The following MCL1 variants were observed in gnomAD, a reference collection of about 807,000 sequenced individuals.
MCL1 encodes MCL1 apoptosis regulator, BCL2 family member.
MCL1 carries 4 observed loss-of-function variants against 24.2 expected under a neutral mutation model. The ratio of observed to expected loss-of-function variants is 0.17; its 90% CI spans 0.08 to 0.38. The LOEUF is 0.38. Ranked by LOEUF, MCL1 falls within the 10% of genes least tolerant of loss-of-function variation. The pLI is 1.00. For missense variants in MCL1, 529 were observed against 480.3 expected, an observed-to-expected ratio of 1.10 and a Z score of -0.95; for synonymous variants, 248 against 214.0, an observed-to-expected ratio of 1.16 and a Z score of -1.39.
rs766788816 is a variant in MCL1, at chr1:150,578,983, G to A, written c.548C>T (p.Ser183Phe). 1.6e-5 allele frequency: 26 copies of A among 1,613,638 alleles called. No homozygotes were observed. Among genetic ancestry groups the A allele is most frequent in the Non-Finnish European group, 2.0e-5 (24 of 1,180,032 alleles). The change falls in exon 1 of 3, where the codon TCT becomes TTT. Residue 183 changes from serine to phenylalanine, a missense_variant. Ser to Phe is a radical substitution (Grantham distance 155). Coordinates refer to ENST00000369026, the MANE Select transcript of MCL1 (RefSeq NM_021960.5). Reference sequence around the variant, plus strand: ...GGTGGCCTGCTCCCGAAGGTACCGAGAGATAATCTCCAGCGACTGCCGGTA... The same window carrying A: ...GGTGGCCTGCTCCCGAAGGTACCGAAAGATAATCTCCAGCGACTGCCGGTA... ...ELYRQSLEII[S>F]RYLREQATGA... is the part of the protein sequence containing the mutation.
At chr1:150,577,775 C>A (rs1426321827) in intron 2 of MCL1, among the ~76,000 whole-genome samples, 1 of 152,068 alleles carries the variant, frequency 6.6e-6, no homozygotes, top group Non-Finnish European at 1.5e-5. Flanking sequence ...AGACGAAAAC[C>A]CTTATTCTCA....
rs774856969 is a variant in MCL1, at chr1:150,578,321, T to C, written c.859A>G (p.Ile287Val). The C allele has an allele frequency of 1.2e-6, 2 of 1,614,246 alleles. No individual in the cohort carries two copies. Among genetic ancestry groups the C allele is most frequent in the Non-Finnish European group, 1.7e-6 (2 of 1,180,042 alleles). Residue 287 changes from isoleucine to valine, a missense_variant, in exon 2 of 3, where the codon ATC (isoleucine) becomes GTC (valine). Physicochemically the swap from Ile to Val is conservative, Grantham distance 29 (BLOSUM62 3). Transcript: ENST00000369026. ...GTGATACTTTCTGCTAATGGTTCGATGCAGCTTTCTTGGTTTATGGTCTTC... is the reference window on the plus strand; with the variant it reads ...GTGATACTTTCTGCTAATGGTTCGACGCAGCTTTCTTGGTTTATGGTCTTC... ...HLKTINQESC[I>V]EPLAESITDV...
In MCL1 at chr1:150,575,295, C is replaced by T. The variant is rs969120018; in HGVS notation, c.*2080G>A. On this transcript the variant is annotated 3_prime_UTR_variant, in exon 3 of 3. Transcript: ENST00000369026. ...AGTTCTTCCCCATTACATTCTTAGT[C>T]ATCTTATTCATACCTATTTTTAAAT... The T allele has an allele frequency of 8.6e-6, 2 of 233,162 alleles. No homozygotes were observed. The highest frequency in any genetic ancestry group is 4.4e-5 in the African/African-American group (2 of 45,292). The allele number at this position is 233,162 out of a possible 1,614,324, so 14.4% of individuals were successfully genotyped here. A position where few individuals can be genotyped will look rare whatever the true frequency, so the allele number is the denominator to read the frequency against.
chr1:150,579,130 A>T lies in MCL1; in HGVS notation c.401T>A (p.Leu134His), dbSNP rs749913949. The T allele has an allele frequency of 1.9e-5, 31 of 1,612,614 alleles. No individual in the cohort carries two copies. The South Asian group carries it at 3.2e-4, about 17-fold the overall frequency. ...EELDGYEPEP[L>H]GKRPAVLPLL... The stretch of plus-strand genomic sequence containing the variant: ...CGGCAGGACAGCCGGCCGCTTCCCG[A>T]GAGGCTCCGGCTCGTACCCGTCCAG... Residue 134 changes from leucine to histidine, a missense_variant, in exon 1 of 3, where the codon CTC becomes CAC. By Grantham distance (99) the Leu-to-His change is moderately conservative. Coordinates refer to ENST00000369026, the MANE Select transcript of MCL1 (RefSeq NM_021960.5).
At position 150,576,004 on chromosome 1, in the gene MCL1, C is replaced by T. The variant is rs1052722318; in HGVS notation, c.*1371G>A. 4.3e-6 allele frequency: 1 copy of T among 233,482 alleles called. No individual in the cohort carries two copies. The highest frequency in any genetic ancestry group is 2.2e-5 in the African/African-American group (1 of 45,328). 14.5% of individuals were successfully genotyped at this position (233,482 alleles called of 1,614,324 possible). ...GTATTTGCTTTATTGACATACTAGG[C>T]TTAGACCTGTGTGTGTAACAAGCAA... On this transcript the variant is annotated 3_prime_UTR_variant, in exon 3 of 3. Coordinates refer to ENST00000369026, the MANE Select transcript of MCL1 (RefSeq NM_021960.5).
At position 150,578,979 on chromosome 1, in the gene MCL1, C is replaced by T. The variant is rs1446133346; in HGVS notation, c.552G>A (p.Arg184=). The change falls in exon 1 of 3, where the codon CGG becomes CGA. Residue 184 remains arginine (R), a synonymous_variant. Coordinates refer to ENST00000369026, the MANE Select transcript of MCL1 (RefSeq NM_021960.5). The stretch of plus-strand genomic sequence containing the variant: ...CGCCGGTGGCCTGCTCCCGAAGGTA[C>T]CGAGAGATAATCTCCAGCGACTGCC... ...LYRQSLEIIS[R]YLREQATGAK... The T allele has an allele frequency of 6.2e-7, 1 of 1,613,654 alleles. No homozygotes were observed. Among genetic ancestry groups the T allele is most frequent in the Admixed American group, 1.7e-5 (1 of 60,028 alleles).
At position 150,579,375 on chromosome 1, in the gene MCL1, C is replaced by T. The variant is rs1647979537; in HGVS notation, c.156G>A (p.Glu52=). 2 of 1,503,608 alleles carry T rather than the reference C, an allele frequency of 1.3e-6. No homozygotes were observed. Among genetic ancestry groups the T allele is most frequent in the East Asian group, 2.6e-5 (1 of 39,154 alleles). The allele number at this position is 1,503,608 out of a possible 1,614,324, so 93.1% of individuals were successfully genotyped here. A position where few individuals can be genotyped will look rare whatever the true frequency, so the allele number is the denominator to read the frequency against. Reference sequence around the variant, plus strand: ...CGCTTCCGCCAATCACCGCGCCGGCCTCCCCTCCCCCTATCTCTCGCCGGG... The same window carrying T: ...CGCTTCCGCCAATCACCGCGCCGGCTTCCCCTCCCCCTATCTCTCGCCGGG... ...ASARREIGGG[E]AGAVIGGSAG... Residue 52 remains glutamate (E), a synonymous_variant, in exon 1 of 3, where the codon GAG becomes GAA. Coordinates refer to ENST00000369026, the MANE Select transcript of MCL1 (RefSeq NM_021960.5).
rs1647976538 is a variant in MCL1 at position 150,579,335 on chromosome 1, G to A, written c.196C>T (p.Pro66Ser). ...VIGGSAGASPPSTLTPDSRRV... is the reference protein window; with the variant it reads ...VIGGSAGASPSSTLTPDSRRV... ...CGGGAGTCTGGCGTGAGGGTGGACG[G>A]GGGGCTTGCGCCGGCGCTTCCGCCA... Residue 66 changes from proline (P) to serine (S), a missense_variant, in exon 1 of 3, where the codon CCG (proline) becomes TCG (serine). Pro to Ser is a moderately conservative substitution (Grantham distance 74). Coordinates refer to ENST00000369026, the MANE Select transcript of MCL1 (RefSeq NM_021960.5). 6.8e-7 allele frequency: 1 copy of A among 1,472,122 alleles called. No homozygotes were observed. Among genetic ancestry groups the A allele is most frequent in the Non-Finnish European group, 8.9e-7 (1 of 1,119,742 alleles). 91.2% of individuals were successfully genotyped at this position (1,472,122 alleles called of 1,614,324 possible). A position where few individuals can be genotyped will look rare whatever the true frequency, so the allele number is the denominator to read the frequency against.
chr1:150,578,758 G>A, intron 1 of MCL1, 85 bp downstream of exon 1: 9 of 1,447,482 alleles, frequency 6.2e-6, no homozygotes, highest in Admixed American at 2.1e-5. Context: ...GACTCGTTTC[G>A]GTTTCCAACC....
chr1:150,577,494 A>G lies in MCL1; in HGVS notation c.937-3T>C, dbSNP rs745915692. 1 of 1,600,414 alleles carries G rather than the reference A, an allele frequency of 6.2e-7. No individual in the cohort carries two copies. The highest frequency in any genetic ancestry group is 2.2e-5 in the East Asian group (1 of 44,754). On this transcript the variant is annotated splice_polypyrimidine_tract_variant and splice_region_variant and intron_variant, in intron 2 of 2. Transcript: ENST00000369026. Reference sequence around the variant, plus strand: ...TGGAAGAACTCCACAAACCCATCCTAGAAAACAAAAAAGAAAAGCACATTT... The same window carrying G: ...TGGAAGAACTCCACAAACCCATCCTGGAAAACAAAAAAGAAAAGCACATTT...
chr1:150,577,625 C>T, intron 2 of MCL1, 134 bp from the exon 3 acceptor site: 1 of 949,260 alleles, frequency 1.1e-6, no homozygotes, highest in East Asian at 2.6e-5. Flanking sequence ...TTATTATTCA[C>T]CCCGGGGCAA....
chr1:150,574,864 A>T lies in MCL1; in HGVS notation c.*2511T>A, dbSNP rs1647721651. The T allele has an allele frequency of 4.3e-6, 1 of 233,314 alleles. No homozygotes were observed. Among genetic ancestry groups the T allele is most frequent in the Non-Finnish European group, 8.5e-6 (1 of 118,034 alleles). The allele number at this position is 233,314 out of a possible 1,614,324, so 14.5% of individuals were successfully genotyped here. A position where few individuals can be genotyped will look rare whatever the true frequency, so the allele number is the denominator to read the frequency against. On this transcript the variant is annotated 3_prime_UTR_variant, in exon 3 of 3. Transcript: ENST00000369026. Reference sequence around the variant, plus strand: ...TTTGGAGGATTTGCCCGAACTACGTAGCCAGTCAGCACTTAGACCACCTGC... The same window carrying T: ...TTTGGAGGATTTGCCCGAACTACGTTGCCAGTCAGCACTTAGACCACCTGC...
chr1:150,577,604 T>G, intron 2 of MCL1, 113 bp from the exon 3 acceptor site: 1 of 1,153,954 alleles, frequency 8.7e-7, no homozygotes. Flanking sequence ...CCTAAAGCAA[T>G]AGTAAACCAA....
chr1:150,577,391 G>T lies in MCL1; in HGVS notation c.1037C>A (p.Ala346Glu). The T allele has an allele frequency of 6.2e-7, 1 of 1,613,638 alleles. No individual in the cohort carries two copies. The highest frequency in any genetic ancestry group is 8.5e-7 in the Non-Finnish European group (1 of 1,179,870). The change falls in exon 3 of 3, where the codon GCA (alanine) becomes GAA (glutamate). Residue 346 changes from alanine (A) to glutamate (E), a missense_variant. Transcript: ENST00000369026. ...ACAGTAAGGCTATCTTATTAGATAT[G>T]CCAAACCAGCTCCTACTCCAGCAAC... ...AGVAGVGAGLAYLIR is the reference protein window; with the variant it reads ...AGVAGVGAGLEYLIR
At chr1:150,578,789 G>C (rs1570982520) in intron 1 of MCL1, 54 bp downstream of exon 1, 9 of 1,558,186 alleles carry the variant, frequency 5.8e-6, no homozygotes, top group East Asian at 2.2e-5. Flanking sequence ...GGGTGAGTCC[G>C]GGGAGAGATG....
Position 150,578,964 on chromosome 1 carries a change from C to T in MCL1, c.567G>A (p.Gln189=), listed in dbSNP as rs1224364051. 1.2e-6 allele frequency: 2 copies of T among 1,613,586 alleles called. No homozygotes were observed. Among genetic ancestry groups the T allele is most frequent in the African/African-American group, 1.3e-5 (1 of 74,938 alleles). The change falls in exon 1 of 3, where the codon CAG becomes CAA. Residue 189 remains glutamine (Q), a synonymous_variant. Coordinates refer to ENST00000369026, the MANE Select transcript of MCL1 (RefSeq NM_021960.5). ...LEIISRYLRE[Q]ATGAKDTKPM... ...GCTTTGTGTCCTTGGCGCCGGTGGC[C>T]TGCTCCCGAAGGTACCGAGAGATAA...
rs1349585132 is a variant in MCL1 at position 150,579,567 on chromosome 1, G to A, written c.-37C>T. The A allele has an allele frequency of 5.1e-6, 8 of 1,567,840 alleles. 1 individual carries two copies. The South Asian group carries it at 8.0e-5, about 16-fold the overall frequency. On this transcript the variant is annotated 5_prime_UTR_variant, in exon 1 of 3. Coordinates refer to ENST00000369026, the MANE Select transcript of MCL1 (RefSeq NM_021960.5). ...GCCGCCGCCTGGCTGAGAAAACTGG[G>A]GAAGACCCCGACTCCTTACTGGAAG...
intron 1 of MCL1, 154 bp downstream of exon 1, chr1:150,578,689 A>G: frequency 9.7e-7 from 1 of 1,026,654 alleles, no homozygotes; most frequent in Non-Finnish European, 1.4e-6. Context: ...GGGCGGAAAC[A>G]ATGACTCATG....
At chr1:150,578,208 A>C in intron 2 of MCL1, 36 bp downstream of exon 2, 1 of 1,587,664 alleles carries the variant, frequency 6.3e-7, no homozygotes, top group Non-Finnish European at 8.5e-7. Flanking sequence ...TTCTACTTCC[A>C]CTCCAAGGCC....
Sources: allele counts gnomAD v4.1 joint callset (sites outside exome capture counted in the v4.1 genomes callset), GRCh38; gene constraint gnomAD v4.1.1; transcripts MANE v1.5; gene names NCBI Gene and HGNC (gene_info 2026-07-23, HGNC 2026-07-21).